PRIM2: variants seen among roughly 807,000 people sequenced by gnomAD.
PRIM2 encodes DNA primase large subunit.
In PRIM2, 39 loss-of-function variants were observed where a neutral mutation model predicts 67.3. That is an observed-to-expected ratio of 0.58 (90% CI 0.45 to 0.76). PRIM2 has a LOEUF of 0.76. PRIM2 is among the 30% of genes least tolerant of loss of function. The pLI, the probability that PRIM2 is intolerant of heterozygous loss-of-function variation, is 0.00. For synonymous variants in PRIM2, 143 were observed against 198.7 expected (o/e 0.72, Z 2.36); for missense variants, 398 against 598.7 (o/e 0.66, Z 3.50).
chr6:57,410,055 A>C (rs1581876996), intron 7 of PRIM2, among the ~76,000 whole-genome samples: 1 of 152,062 alleles, frequency 6.6e-6, no homozygotes. Context: ...CCAGTGGCTC[A>C]CGCCTGTAAT....
At chr6:57,535,317 C>T (rs1201839036) in intron 9 of PRIM2, among the ~76,000 whole-genome samples, 6 of 152,052 alleles carry the variant, frequency 3.9e-5, no homozygotes, top group African/African-American at 1.2e-4. Flanking sequence ...GGACTGGAGC[C>T]GAGGACTCAT....
chr6:57,579,740 C>A (rs1288049207), intron 10 of PRIM2, among the ~76,000 whole-genome samples: 3 of 151,890 alleles, frequency 2.0e-5, no homozygotes, highest in Admixed American at 6.6e-5. Context: ...AACCAATTGC[C>A]CATTTGCTGC....
chr6:57,431,876 G>A (rs1279972605), intron 7 of PRIM2, among the ~76,000 whole-genome samples: 4 of 152,086 alleles, frequency 2.6e-5, no homozygotes, highest in Admixed American at 2.0e-4. Context: ...CTGTGTATGT[G>A]TGTGTATGTT....
intron 11 of PRIM2, among the ~76,000 whole-genome samples, chr6:57,603,380 G>A (rs1282049642): frequency 6.6e-6 from 1 of 151,972 alleles, no homozygotes; most frequent in Admixed American, 6.6e-5. Flanking sequence ...TTTCTTTTTT[G>A]TTCTTAGAAT....
At chr6:57,564,508 A>G (rs1416838016) in intron 10 of PRIM2, among the ~76,000 whole-genome samples, 7 of 152,310 alleles carry the variant, frequency 4.6e-5, no homozygotes, top group African/African-American at 1.4e-4. Context: ...ATATGAAATT[A>G]TAAGTTTTCT....
intron 3 of PRIM2, among the ~76,000 whole-genome samples, chr6:57,321,054 A>G (rs549664301): frequency 4.6e-5 from 7 of 152,306 alleles, no homozygotes; most frequent in African/African-American, 1.7e-4. Flanking sequence ...GATGACTGCC[A>G]GCAGCAGATT....
chr6:57,603,183 C>T (rs1467565339), intron 11 of PRIM2, among the ~76,000 whole-genome samples: 4 of 152,080 alleles, frequency 2.6e-5, no homozygotes, highest in African/African-American at 9.7e-5. Flanking sequence ...ATAGTTGTCC[C>T]ATAGTTCTTA....
At chr6:57,282,862 T>C in the PRIM2 span, among the ~76,000 whole-genome samples, 3 of 152,346 alleles carry the variant, frequency 2.0e-5, no homozygotes, top group South Asian at 4.1e-4. Context: ...TATTTTGTTA[T>C]GGCAGTCCTA....
chr6:57,600,151 C>T (rs1189502822), intron 10 of PRIM2, among the ~76,000 whole-genome samples: 1 of 152,084 alleles, frequency 6.6e-6, no homozygotes, highest in Non-Finnish European at 1.5e-5. Flanking sequence ...ATGCCTGGCA[C>T]CTGGTCACTT....
the PRIM2 span, among the ~76,000 whole-genome samples, chr6:57,233,854 G>T: frequency 6.6e-6 from 1 of 152,032 alleles, no homozygotes; most frequent in Non-Finnish European, 1.5e-5. Context: ...ATACAGACAG[G>T]ATCTCACAAT....
chr6:57,406,175 T>G (rs1263277773), intron 7 of PRIM2, among the ~76,000 whole-genome samples: 1 of 151,986 alleles, frequency 6.6e-6, no homozygotes, highest in African/African-American at 2.4e-5. Context: ...GAGTAGGGAG[T>G]GGGGAGTAAG....
intron 11 of PRIM2, among the ~76,000 whole-genome samples, chr6:57,603,983 G>C (rs1354764158): frequency 6.6e-6 from 1 of 152,104 alleles, no homozygotes; most frequent in East Asian, 1.9e-4. Flanking sequence ...TTGGCTGTCA[G>C]CTTGAACATT....
In PRIM2 at chr6:57,564,894, A is replaced by T. The variant is rs1187796207; in HGVS notation, c.1020+27269A>T. Among the ~76,000 whole-genome samples the T allele has an allele frequency of 1.2e-4, 18 of 152,388 alleles. No individual in the cohort carries two copies. In the East Asian group the frequency reaches 3.3e-3, roughly 28 times the overall value. ...GTTGCACTTACTCTGCTGCTGCAGC[A>T]TGAAAGCAACCATCAACAATGTTTA... On this transcript the variant is annotated intron_variant, in intron 10 of 13. Coordinates refer to ENST00000615550, the MANE Select transcript of PRIM2 (RefSeq NM_000947.5).
the PRIM2 span, among the ~76,000 whole-genome samples, chr6:57,291,578 A>G: frequency 1.3e-3 from 202 of 152,326 alleles, 8 homozygotes; most frequent in South Asian, 0.04. Context: ...CCTGATGAAC[A>G]TCGATGCGAA....
the PRIM2 span, among the ~76,000 whole-genome samples, chr6:57,239,718 C>T: frequency 2.6e-5 from 4 of 152,144 alleles, no homozygotes; most frequent in African/African-American, 9.7e-5. Context: ...TTCACTCCAG[C>T]CTGAGCGACA....
Position 57,569,558 on chromosome 6 carries a change from A to T in PRIM2, c.1021-31535A>T, listed in dbSNP as rs1775822233. On this transcript the variant is annotated intron_variant, in intron 10 of 13. Coordinates refer to ENST00000615550, the MANE Select transcript of PRIM2 (RefSeq NM_000947.5). ...GGAAGTTCTAAGTCTAGATTTGCTT[A>T]TGGTCTTTCTTTTCTCCCTGAATGC... is the stretch of plus-strand genomic sequence containing the variant. Among the ~76,000 whole-genome samples, 5 of 152,216 alleles carry T rather than the reference A, an allele frequency of 3.3e-5. No homozygotes were observed. The South Asian group carries it at 1.0e-3, about 32-fold the overall frequency.
chr6:57,270,103 T>G, the PRIM2 span, among the ~76,000 whole-genome samples: 3 of 152,072 alleles, frequency 2.0e-5, no homozygotes, highest in Admixed American at 1.3e-4. Flanking sequence ...AGGATTGACT[T>G]GGCGATGCGG....
At chr6:57,417,493 TG>T (rs1295274721) in intron 7 of PRIM2, among the ~76,000 whole-genome samples, 5 of 152,164 alleles carry the variant, frequency 3.3e-5, no homozygotes, top group Non-Finnish European at 7.3e-5. Flanking sequence ...TAAAGGCCAT[TG>T]TGAGTTACTA....
chr6:57,270,784 T>G, the PRIM2 span, among the ~76,000 whole-genome samples: 1 of 152,226 alleles, frequency 6.6e-6, no homozygotes, highest in Non-Finnish European at 1.5e-5. Flanking sequence ...TAGCTCTTAT[T>G]ATTTTGAGAT....
Sources: gnomAD v4.1 joint callset for allele counts (sites outside exome capture counted in the v4.1 genomes callset) on GRCh38, gnomAD v4.1.1 for gene constraint, MANE v1.5 for transcripts, NCBI Gene and HGNC (gene_info 2026-07-23, HGNC 2026-07-21) for gene names.